The following DYNC2I1 variants were observed in gnomAD, a reference collection of about 807,000 sequenced individuals.
DYNC2I1 encodes cytoplasmic dynein 2 intermediate chain 1.
A neutral mutation model predicts 133.4 loss-of-function variants in DYNC2I1; 89 were observed. The ratio of observed to expected loss-of-function variants is 0.67; its 90% CI spans 0.56 to 0.80. The LOEUF is 0.80. Ranked by LOEUF, DYNC2I1 falls within the 30% of genes least tolerant of loss-of-function variation. The pLI is 0.00. For synonymous variants in DYNC2I1, 504 were observed against 484.3 expected (o/e 1.04, Z -0.54); for missense variants, 1,291 against 1,314.5 (o/e 0.98, Z 0.28).
At chr7:158,949,836 A>G (rs1330791261), downstream of DYNC2I1, among the ~76,000 whole-genome samples, 1 of 151,784 alleles carries the variant, frequency 6.6e-6, no homozygotes, top group Non-Finnish European at 1.5e-5. Flanking sequence ...CAATGGCGCA[A>G]TCTCGCCTCA....
At chr7:158,902,772 G>T in intron 10 of DYNC2I1, 177 bp downstream of exon 10, 1 of 608,332 alleles carries the variant, frequency 1.6e-6, no homozygotes. Context: ...CTGAAGACTT[G>T]AGCACGAGCC....
chr7:158,940,932 G>A (rs1309114635), intron 23 of DYNC2I1, among the ~76,000 whole-genome samples: 1 of 152,040 alleles, frequency 6.6e-6, no homozygotes, highest in East Asian at 1.9e-4. Flanking sequence ...AAGGAGAAAA[G>A]CAAGAACAAA....
At chr7:158,885,181 G>C (rs1844471661) in intron 6 of DYNC2I1, among the ~76,000 whole-genome samples, 1 of 152,066 alleles carries the variant, frequency 6.6e-6, no homozygotes, top group African/African-American at 2.4e-5. Flanking sequence ...TCCGCCCTCA[G>C]GCCTTGGCAG....
chr7:158,942,213 C>T lies in DYNC2I1; in HGVS notation c.3002+65C>T, dbSNP rs145788639. On this transcript the variant is annotated intron_variant, in intron 24 of 24. Transcript: ENST00000407559. The stretch of plus-strand genomic sequence containing the variant: ...GGGCTTCGGCCACGGGTGCCACTTA[C>T]GGTCTTTCTTCATTAATTTTTGCAT... The T allele has an allele frequency of 3.9e-4, 512 of 1,307,730 alleles. 3 individuals carry two copies. Among genetic ancestry groups the T allele is most frequent in the Middle Eastern group, 1.5e-3 (7 of 4,522 alleles). 81.0% of individuals were successfully genotyped at this position (1,307,730 alleles called of 1,614,324 possible).
chr7:158,861,957 C>T (rs892899889), intron 1 of DYNC2I1, among the ~76,000 whole-genome samples: 19 of 152,142 alleles, frequency 1.2e-4, no homozygotes, highest in Non-Finnish European at 2.1e-4. Context: ...AATTTGATAA[C>T]TTAAAAATTC....
At chr7:158,888,630 C>G (rs533678980) in intron 7 of DYNC2I1, among the ~76,000 whole-genome samples, 1 of 152,176 alleles carries the variant, frequency 6.6e-6, no homozygotes, top group Admixed American at 6.5e-5. Context: ...CCACCACACC[C>G]AGCTAATTTT....
chr7:158,952,414 G>T (rs371820805), intron 4 of DYNC2I1, among the ~76,000 whole-genome samples: 105 of 152,332 alleles, frequency 6.9e-4, no homozygotes, highest in African/African-American at 2.5e-3. Context: ...CTAAGGGGGT[G>T]CAAGAAGCTT....
intron 5 of DYNC2I1, 67 bp from the exon 6 acceptor site, chr7:158,884,497 A>G (rs1844399772): frequency 6.8e-7 from 1 of 1,469,804 alleles, no homozygotes; most frequent in Admixed American, 2.1e-5. Context: ...TGTGGGGTTT[A>G]CTAATTATGC....
intron 8 of DYNC2I1, among the ~76,000 whole-genome samples, chr7:158,896,985 CTTTTTTT>C: frequency 7.6e-6 from 1 of 131,216 alleles, no homozygotes; most frequent in South Asian, 2.5e-4. Context: ...TGTATAATTT[CTTTTTTT>C]TTTTTTTTTG....
rs113220982 is a variant in DYNC2I1 at position 158,885,494 on chromosome 7, A to G, written c.935+875A>G. 9.3e-3 allele frequency among the ~76,000 whole-genome samples: 1,406 copies of G among 151,780 alleles called. 10 individuals carry two copies. The highest frequency in any genetic ancestry group is 0.031 in the African/African-American group (1,277 of 41,342). ...GTAGCTGGAACTACAGGCACATACCACCACACCCAGCTAATTTTTGTATTT... is the reference window on the plus strand; with the variant it reads ...GTAGCTGGAACTACAGGCACATACCGCCACACCCAGCTAATTTTTGTATTT... On this transcript the variant is annotated intron_variant, in intron 6 of 24. Transcript: ENST00000407559.
chr7:158,861,235 T>C (rs565052454), intron 1 of DYNC2I1, among the ~76,000 whole-genome samples: 2 of 152,358 alleles, frequency 1.3e-5, no homozygotes, highest in East Asian at 3.9e-4. Context: ...CAGGAGTGTC[T>C]TTGAAAAGAT....
At chr7:158,894,820 A>T (rs1035492781) in intron 8 of DYNC2I1, among the ~76,000 whole-genome samples, 5 of 152,138 alleles carry the variant, frequency 3.3e-5, no homozygotes, top group African/African-American at 1.2e-4. Flanking sequence ...AATGAATGTG[A>T]GTTCCTGTGC....
chr7:158,932,449 C>T (rs144105440), intron 21 of DYNC2I1, among the ~76,000 whole-genome samples: 12 of 152,090 alleles, frequency 7.9e-5, no homozygotes, highest in East Asian at 5.8e-4. Context: ...CAGGCCCTAA[C>T]GAGTCTGTCT....
At chr7:158,906,989 C>T (rs1219841312) in intron 11 of DYNC2I1, among the ~76,000 whole-genome samples, 1 of 152,076 alleles carries the variant, frequency 6.6e-6, no homozygotes, top group African/African-American at 2.4e-5. Context: ...GCGAGACGCA[C>T]CTGTGGTCCC....
At chr7:158,862,018 G>A (rs1841904738) in intron 1 of DYNC2I1, among the ~76,000 whole-genome samples, 1 of 152,200 alleles carries the variant, frequency 6.6e-6, no homozygotes, top group African/African-American at 2.4e-5. Context: ...GATAAATTAT[G>A]TCCCAGTCCT....
At chr7:158,851,219 T>C in the DYNC2I1 span, among the ~76,000 whole-genome samples, 1 of 152,170 alleles carries the variant, frequency 6.6e-6, no homozygotes, top group Admixed American at 6.5e-5. Flanking sequence ...CTGGTTATTT[T>C]ATCAGGGCTT....
chr7:158,946,779 A>T (rs1851898549), downstream of DYNC2I1, among the ~76,000 whole-genome samples: 1 of 152,060 alleles, frequency 6.6e-6, no homozygotes, highest in African/African-American at 2.4e-5. Context: ...CTGTCCCATC[A>T]CCCTCCTAGA....
intron 7 of DYNC2I1, among the ~76,000 whole-genome samples, chr7:158,889,445 A>AT (rs1010815084): frequency 7.9e-5 from 12 of 151,580 alleles, no homozygotes; most frequent in African/African-American, 1.5e-4. Flanking sequence ...GATCTACCGC[A>AT]TTTTTTTTGT....
At chr7:158,913,446 A>G (rs569189685) in intron 13 of DYNC2I1, among the ~76,000 whole-genome samples, 1 of 152,204 alleles carries the variant, frequency 6.6e-6, no homozygotes, top group Non-Finnish European at 1.5e-5. Flanking sequence ...GGGGAAGCCT[A>G]TTCTCATGAA....
Sources: allele counts gnomAD v4.1 joint callset (sites outside exome capture counted in the v4.1 genomes callset), GRCh38; gene constraint gnomAD v4.1.1; transcripts MANE v1.5; gene names NCBI Gene and HGNC (gene_info 2026-07-23, HGNC 2026-07-21).